ALG6: variants seen among roughly 807,000 people sequenced by gnomAD.
ALG6 encodes dolichyl pyrophosphate Man9GlcNAc2 alpha-1,3-glucosyltransferase.
A neutral mutation model predicts 66.6 loss-of-function variants in ALG6; 46 were observed. That is an observed-to-expected ratio of 0.69 (90% CI 0.55 to 0.88). The LOEUF (loss-of-function observed/expected upper bound fraction) is 0.88. Among genes scored for constraint, ALG6 ranks in the 40% least tolerant of loss-of-function variants. The pLI is 0.00. For synonymous variants in ALG6, 185 were observed against 203.7 expected (o/e 0.91, Z 0.78); for missense variants, 505 against 586.8 (o/e 0.86, Z 1.44).
chr1:63,388,669 G>T (rs915954563), intron 2 of ALG6, among the ~76,000 whole-genome samples: 2 of 152,076 alleles, frequency 1.3e-5, no homozygotes, highest in African/African-American at 4.8e-5. Flanking sequence ...AGTGAGTTTT[G>T]TACCTTCAGA....
At chr1:63,429,737 A>T (rs533603639) in intron 14 of ALG6, 4 of 152,332 alleles carry the variant, frequency 2.6e-5, no homozygotes, top group Admixed American at 2.6e-4. Context: ...CTAAAAGGCT[A>T]TATCTCCAAA....
chr1:63,381,282 G>C (rs560084554), intron 2 of ALG6, among the ~76,000 whole-genome samples: 1 of 152,094 alleles, frequency 6.6e-6, no homozygotes, highest in African/African-American at 2.4e-5. Flanking sequence ...GTGAAACCCC[G>C]TCTCTACTAA....
At chr1:63,368,386 C>G (rs1443719531) in intron 1 of ALG6, among the ~76,000 whole-genome samples, 6 of 152,316 alleles carry the variant, frequency 3.9e-5, no homozygotes, top group African/African-American at 1.4e-4. Flanking sequence ...TCTTGGGTAC[C>G]TGCCTTCTGC....
At position 63,402,300 on chromosome 1, in the gene ALG6, TA is replaced by T. The variant is rs1472141953; in HGVS notation, c.215del (p.Tyr72SerfsTer19). 6.2e-7 allele frequency: 1 copy of T among 1,612,324 alleles called. No homozygotes were observed. The highest frequency in any genetic ancestry group is 2.2e-5 in the East Asian group (1 of 44,840). ...DNNLQYWGLDYPPLTAYHSLL... is the reference protein window; with the variant it reads ...DNNLQYWGLDXPPLTAYHSLL... The stretch of plus-strand genomic sequence containing the variant: ...CAATTTACAGTATTGGGGATTGGAT[TA>T]CCCACCTCTTACAGCTTATCATAGT... On this transcript the variant is annotated frameshift_variant, in exon 4 of 15. Transcript: ENST00000263440. LOFTEE classifies it high-confidence loss of function.
At chr1:63,403,898 C>T (rs1218135035) in intron 4 of ALG6, among the ~76,000 whole-genome samples, 4 of 152,168 alleles carry the variant, frequency 2.6e-5, no homozygotes, top group Admixed American at 1.3e-4. Flanking sequence ...TATGCGGTGT[C>T]GTTATGAGTG....
intron 5 of ALG6, 41 bp from the exon 6 acceptor site, chr1:63,406,273 ATCC>A (rs1644489439): frequency 6.4e-7 from 1 of 1,553,772 alleles, no homozygotes; most frequent in African/African-American, 1.4e-5. Flanking sequence ...GTAGCTGTAA[ATCC>A]TGATGGACTC....
At chr1:63,429,850 A>AGTGT (rs60383332) in intron 14 of ALG6, 47,462 of 144,106 alleles carry the variant, frequency 0.33, 7,796 homozygotes, top group East Asian at 0.49. Flanking sequence ...TCTTTCACTT[A>AGTGT]GTGTGTGTGT....
chr1:63,372,100 T>C (rs975043624), intron 2 of ALG6, among the ~76,000 whole-genome samples: 1 of 152,178 alleles, frequency 6.6e-6, no homozygotes, highest in African/African-American at 2.4e-5. Context: ...GAAGGTATTA[T>C]AGAGTGCAGG....
Position 63,396,552 on chromosome 1 carries a change from AGAGACAC to A in ALG6, c.123_129del (p.Gln41HisfsTer5). 1 of 1,614,188 alleles carries A rather than the reference AGAGACAC, an allele frequency of 6.2e-7. No homozygotes were observed. Among genetic ancestry groups the A allele is most frequent in the East Asian group, 2.2e-5 (1 of 44,872 alleles). ...CCTATGTTTGGTGATTATGAAGCTC[AGAGACAC>A]TGGCAAGAAATAACTTTTAATTTAC... On this transcript the variant is annotated frameshift_variant, in exon 3 of 15. Transcript: ENST00000263440. LOFTEE classifies it high-confidence loss of function.
At chr1:63,425,212 G>A (rs762351523) in intron 12 of ALG6, among the ~76,000 whole-genome samples, 1 of 152,174 alleles carries the variant, frequency 6.6e-6, no homozygotes, top group Non-Finnish European at 1.5e-5. Flanking sequence ...TAAGAGAGGA[G>A]CAATAAAGGC....
At chr1:63,382,587 C>T (rs958057078) in intron 2 of ALG6, among the ~76,000 whole-genome samples, 8 of 151,482 alleles carry the variant, frequency 5.3e-5, no homozygotes, top group South Asian at 2.1e-4. Flanking sequence ...AGTTCTCCTG[C>T]CTCAGCCTCC....
At chr1:63,398,122 T>C (rs1644418897) in intron 3 of ALG6, among the ~76,000 whole-genome samples, 1 of 152,216 alleles carries the variant, frequency 6.6e-6, no homozygotes, top group Admixed American at 6.5e-5. Flanking sequence ...TATTGTTGAC[T>C]GCTTTGGCTA....
chr1:63,400,282 CGTATATAT>C lies in ALG6; in HGVS notation c.168-1971_168-1964del, dbSNP rs1644452839. 3.2e-4 allele frequency among the ~76,000 whole-genome samples: 4 copies of C among 12,620 alleles called. 1 individual carries two copies. Among genetic ancestry groups the C allele is most frequent in the Admixed American group, 3.1e-3 (3 of 980 alleles). The allele number at this position is 12,620 out of a possible 152,430, so 8.3% of individuals were successfully genotyped here. On this transcript the variant is annotated intron_variant, in intron 3 of 14. Coordinates refer to ENST00000263440, the MANE Select transcript of ALG6 (RefSeq NM_013339.4). ...ATATATATATACGTATATATATATA[CGTATATAT>C]ATATACGTATATATATGTATATATA...
chr1:63,380,345 C>T (rs145776267), intron 2 of ALG6, among the ~76,000 whole-genome samples: 19 of 152,178 alleles, frequency 1.2e-4, no homozygotes, highest in East Asian at 1.2e-3. Context: ...GACGTTTGTT[C>T]GTGAACGGAA....
chr1:63,411,177 T>G lies in ALG6; in HGVS notation c.526T>G (p.Trp176Gly). The G allele has an allele frequency of 6.2e-7, 1 of 1,613,880 alleles. No homozygotes were observed. The highest frequency in any genetic ancestry group is 8.5e-7 in the Non-Finnish European group (1 of 1,179,886). The part of the protein sequence containing the change: ...YNSVSLGFAL[W>G]GVLGISCDCD... The stretch of plus-strand genomic sequence containing the variant: ...TTCTGTGAGTCTTGGCTTTGCTTTG[T>G]GGGGTGTTCTTGGAATATCTTGTGA... Residue 176 changes from tryptophan to glycine, a missense_variant, in exon 8 of 15, where the codon TGG becomes GGG. Transcript: ENST00000263440.
chr1:63,392,920 A>G (rs1411506330), intron 2 of ALG6, among the ~76,000 whole-genome samples: 1 of 152,210 alleles, frequency 6.6e-6, no homozygotes, highest in Non-Finnish European at 1.5e-5. Flanking sequence ...CAGACTCTGG[A>G]TAGGAACTTG....
At chr1:63,373,381 T>C (rs1648001379) in intron 2 of ALG6, among the ~76,000 whole-genome samples, 1 of 151,506 alleles carries the variant, frequency 6.6e-6, no homozygotes, top group Admixed American at 6.6e-5. Context: ...GGTGGGTGGA[T>C]TGCCTGAGCT....
rs965369785 is a variant in ALG6 at position 63,433,187 on chromosome 1, C to T, written c.1327-3636C>T. 7.2e-5 allele frequency among the ~76,000 whole-genome samples: 11 copies of T among 152,140 alleles called. No homozygotes were observed. The highest frequency in any genetic ancestry group is 1.2e-4 in the Non-Finnish European group (8 of 68,040). On this transcript the variant is annotated intron_variant, in intron 14 of 14. Coordinates refer to ENST00000263440, the MANE Select transcript of ALG6 (RefSeq NM_013339.4). The surrounding 1 kb of genome is among the most constrained non-coding windows in gnomAD (Gnocchi z 4.2). ...CGAACTCCTGACCTCGTGATCCACC[C>T]GCCTCAGCCTCCCAAAGTGCTGGGA...
At chr1:63,384,441 G>A (rs1648437722) in intron 2 of ALG6, among the ~76,000 whole-genome samples, 1 of 151,892 alleles carries the variant, frequency 6.6e-6, no homozygotes, top group Admixed American at 6.6e-5. Context: ...CCATTCTGTG[G>A]GTTCTGTCTT....
Sources: allele counts gnomAD v4.1 joint callset (sites outside exome capture counted in the v4.1 genomes callset), GRCh38; gene constraint gnomAD v4.1.1; non-coding constraint Gnocchi (gnomAD v3.1); transcripts MANE v1.5; gene names NCBI Gene and HGNC (gene_info 2026-07-23, HGNC 2026-07-21).